SLC4A2: variants seen among roughly 807,000 people sequenced by gnomAD.
SLC4A2 encodes anion exchange protein 2.
In SLC4A2, 36 loss-of-function variants were observed where a neutral mutation model predicts 115.0. The ratio of observed to expected loss-of-function variants is 0.31; its 90% CI spans 0.24 to 0.41. The LOEUF is 0.41. SLC4A2 is among the 10% of genes least tolerant of loss of function. SLC4A2 has a pLI of 1.00. For synonymous variants in SLC4A2, 708 were observed against 708.3 expected, an observed-to-expected ratio of 1.00 and a Z score of 0.01; for missense variants, 1,252 against 1,705.6, an observed-to-expected ratio of 0.73 and a Z score of 4.68.
At position 151,066,376 on chromosome 7, in the gene SLC4A2, C is replaced by T. The variant is rs533115627; in HGVS notation, c.579-141C>T. 21 of 1,004,132 alleles carry T rather than the reference C, an allele frequency of 2.1e-5. No homozygotes were observed. In the South Asian group the frequency reaches 2.4e-4, roughly 12 times the overall value. 62.2% of individuals were successfully genotyped at this position (1,004,132 alleles called of 1,614,324 possible). On this transcript the variant is annotated intron_variant, in intron 5 of 22. Transcript: ENST00000413384. ...CTGCATCCAGAATCCTCCCCCTCCC[C>T]GTGCCCGCACCTCCCGGGAGTGGGA...
In SLC4A2 at chr7:151,062,363, A is replaced by G. The variant is rs566770135; in HGVS notation, c.51+325A>G. ...CAGACCCGGCTGGCCTTAGAGGCGC[A>G]GGTCAAGTCTGCACGCGGGCCAGGG... is the stretch of plus-strand genomic sequence containing the variant. On this transcript the variant is annotated intron_variant, in intron 2 of 22. Coordinates refer to ENST00000413384, the MANE Select transcript of SLC4A2 (RefSeq NM_003040.4). 4.1e-3 allele frequency among the ~76,000 whole-genome samples: 620 copies of G among 152,246 alleles called. 4 individuals are homozygous for G. Among genetic ancestry groups the G allele is most frequent in the African/African-American group, 0.015 (603 of 41,546 alleles).
At chr7:151,069,857 C>A in intron 8 of SLC4A2, 90 bp from the exon 9 acceptor site, 1 of 1,523,434 alleles carries the variant, frequency 6.6e-7, no homozygotes, top group Non-Finnish European at 9.1e-7. Flanking sequence ...GGCACCCACC[C>A]ACCTGTCCCC....
At chr7:151,064,102 G>T in intron 2 of SLC4A2, 100 bp from the exon 3 acceptor site, 2 of 1,222,718 alleles carry the variant, frequency 1.6e-6, no homozygotes, top group East Asian at 2.4e-5. Context: ...AGCTGCTGGC[G>T]GGGGAGGGTT....
intron 1 of SLC4A2, chr7:151,061,372 G>C (rs951071072): frequency 1.3e-5 from 2 of 152,210 alleles, no homozygotes; most frequent in African/African-American, 4.8e-5. Flanking sequence ...GCCTGTACTG[G>C]GGAGGGGGCA....
chr7:151,074,644 C>A lies in SLC4A2; in HGVS notation c.2881-31C>A, dbSNP rs1170709845. ...GGCATGCCCTCCACATTCACCTTAA[C>A]CCTTGTCCCTACACTGTGTCTGCCC... On this transcript the variant is annotated intron_variant, in intron 18 of 22. Coordinates refer to ENST00000413384, the MANE Select transcript of SLC4A2 (RefSeq NM_003040.4). 3.8e-6 allele frequency: 6 copies of A among 1,584,260 alleles called. No homozygotes were observed. The African/African-American group carries it at 8.1e-5, about 21-fold the overall frequency.
At position 151,064,986 on chromosome 7, in the gene SLC4A2, C is replaced by T. The variant is rs1797184112; in HGVS notation, c.578+20C>T. The stretch of plus-strand genomic sequence containing the variant: ...GGCTGGGTAAGTACACCCCAATCAA[C>T]AGTGTCCCCAACAGACACTTCCCCT... On this transcript the variant is annotated intron_variant, in intron 5 of 22. Coordinates refer to ENST00000413384, the MANE Select transcript of SLC4A2 (RefSeq NM_003040.4). 2.0e-6 allele frequency: 3 copies of T among 1,472,548 alleles called. No homozygotes were observed. The highest frequency in any genetic ancestry group is 2.9e-6 in the Non-Finnish European group (3 of 1,051,714). 91.2% of individuals were successfully genotyped at this position (1,472,548 alleles called of 1,614,324 possible).
upstream of SLC4A2, chr7:151,058,533 AG>A (rs1246935130): frequency 6.6e-6 from 1 of 152,454 alleles, no homozygotes; most frequent in African/African-American, 2.4e-5. Flanking sequence ...ATTTTAGTGG[AG>A]GGACACACGC....
In SLC4A2 at chr7:151,076,076, G is replaced by GC; in HGVS notation, c.3537dup (p.Val1180ArgfsTer40). 1.9e-6 allele frequency: 3 copies of GC among 1,611,598 alleles called. No homozygotes were observed. The highest frequency in any genetic ancestry group is 1.7e-6 in the Non-Finnish European group (2 of 1,179,966). ...GCTGCTCTGCCTGGCCCTGCTCTGG[G>GC]CCGTCATGTCCACAGCTGCCTCCCT... On this transcript the variant is annotated frameshift_variant, in exon 22 of 23. Transcript: ENST00000413384. LOFTEE classifies it high-confidence loss of function.
chr7:151,060,380 C>T lies in SLC4A2; in HGVS notation c.-64+618C>T, dbSNP rs1406761176. ...GTCTACTTTATCCCCCTTCGTTTCC[C>T]CCGCCAGCCCCACATGGAAGAGCTG... On this transcript the variant is annotated intron_variant, in intron 1 of 22. Coordinates refer to ENST00000413384, the MANE Select transcript of SLC4A2 (RefSeq NM_003040.4). The surrounding 1 kb of genome is among the most constrained non-coding windows in gnomAD (Gnocchi z 5.9). 3.3e-5 allele frequency among the ~76,000 whole-genome samples: 5 copies of T among 152,304 alleles called. No individual in the cohort carries two copies. Among genetic ancestry groups the T allele is most frequent in the Non-Finnish European group, 5.9e-5 (4 of 68,014 alleles).
At chr7:151,061,374 G>A (rs1407587164) in intron 1 of SLC4A2, 1 of 152,112 alleles carries the variant, frequency 6.6e-6, no homozygotes, top group African/African-American at 2.4e-5. Flanking sequence ...CTGTACTGGG[G>A]AGGGGGCACC....
At position 151,059,823 on chromosome 7, in the gene SLC4A2, A is replaced by C. The variant is rs1796989077; in HGVS notation, c.-64+61A>C. On this transcript the variant is annotated intron_variant, in intron 1 of 22. Transcript: ENST00000413384. This position sits in a 1 kb window ranked among gnomAD's most constrained non-coding sequence, Gnocchi z 5.8. ...CCGCAGAGGGAGGAAGGGAGGGGGA[A>C]GGAGAGGGGGGAACTCGGGACTCGA... is the stretch of plus-strand genomic sequence containing the variant. The C allele has an allele frequency of 4.3e-5, 4 of 93,126 alleles. No homozygotes were observed. The highest frequency in any genetic ancestry group is 4.5e-5 in the Non-Finnish European group (2 of 44,578). 5.8% of individuals were successfully genotyped at this position (93,126 alleles called of 1,614,324 possible).
At position 151,074,089 on chromosome 7, in the gene SLC4A2, G is replaced by A. The variant is rs1797533155; in HGVS notation, c.2586G>A (p.Glu862=). ...GCTGCTCAGCCTCCAACAGCTCAGA[G>A]GTGGACGGCGGTGAGAACATGACAT... ...LHGCSASNSS[E]VDGGENMTWA... The change falls in exon 17 of 23, where the codon GAG becomes GAA. Residue 862 remains glutamate, a synonymous_variant. Transcript: ENST00000413384. 6.2e-7 allele frequency: 1 copy of A among 1,607,984 alleles called. No homozygotes were observed. The highest frequency in any genetic ancestry group is 8.5e-7 in the Non-Finnish European group (1 of 1,176,580).
At chr7:151,075,816 G>T in intron 21 of SLC4A2, 41 bp downstream of exon 21, 1 of 1,578,362 alleles carries the variant, frequency 6.3e-7, no homozygotes, top group Non-Finnish European at 8.6e-7. Context: ...TGTGCCTCTG[G>T]CCATCCTGGT....
chr7:151,062,776 G>T, intron 2 of SLC4A2: 1 of 1,366,846 alleles, frequency 7.3e-7, no homozygotes, highest in East Asian at 3.0e-5. Context: ...GCGCTTAGGG[G>T]AGCCAGGAGA....
intron 7 of SLC4A2, among the ~76,000 whole-genome samples, chr7:151,067,417 A>G (rs1350122651): frequency 2.0e-5 from 3 of 152,178 alleles, no homozygotes; most frequent in Non-Finnish European, 4.4e-5. Context: ...TGAAGGTTGT[A>G]CACTGCACAA....
At position 151,068,932 on chromosome 7, in the gene SLC4A2, G is replaced by A. The variant is rs1180503326; in HGVS notation, c.1147+878G>A. 5.3e-5 allele frequency among the ~76,000 whole-genome samples: 8 copies of A among 151,720 alleles called. No homozygotes were observed. In the East Asian group the frequency reaches 1.6e-3, roughly 29 times the overall value. ...AGGTGGGTGGATTACGAGGTCAGGAGATTGAGACCATCCTGGCTAACAAGG... is the reference window on the plus strand; with the variant it reads ...AGGTGGGTGGATTACGAGGTCAGGAAATTGAGACCATCCTGGCTAACAAGG... On this transcript the variant is annotated intron_variant, in intron 8 of 22. Transcript: ENST00000413384.
At chr7:151,063,261 G>A (rs1163427987) in intron 2 of SLC4A2, 1 of 1,182,338 alleles carries the variant, frequency 8.5e-7, no homozygotes, top group Non-Finnish European at 1.1e-6. Context: ...GGGGCCTGGG[G>A]GCTGGGGGAG....
rs143062463 is a variant in SLC4A2, at chr7:151,070,703, C to T, written c.1565-24C>T. On this transcript the variant is annotated intron_variant, in intron 11 of 22. Transcript: ENST00000413384. ...AGGCGGTCCTGCTGCTCTGCTCTTGCCCACGATGGTCCCACGCCCCTAGGC... is the reference window on the plus strand; with the variant it reads ...AGGCGGTCCTGCTGCTCTGCTCTTGTCCACGATGGTCCCACGCCCCTAGGC... The T allele has an allele frequency of 4.7e-3, 7,497 of 1,610,660 alleles. 29 individuals carry two copies. The highest frequency in any genetic ancestry group is 0.016 in the Middle Eastern group (89 of 5,402).
At position 151,072,146 on chromosome 7, in the gene SLC4A2, C is replaced by T; in HGVS notation, c.2535+10C>T. On this transcript the variant is annotated intron_variant, in intron 16 of 22. Coordinates refer to ENST00000413384, the MANE Select transcript of SLC4A2 (RefSeq NM_003040.4). ...CTACAAGCTGGTGAAGGTGGGCAGG[C>T]CCCTGCCGAGAGCTGGGCCAGGAGG... 1 of 1,610,612 alleles carries T rather than the reference C, an allele frequency of 6.2e-7. No individual in the cohort carries two copies. The highest frequency in any genetic ancestry group is 1.3e-5 in the African/African-American group (1 of 74,986).
Sources: gnomAD v4.1 joint callset for allele counts (sites outside exome capture counted in the v4.1 genomes callset) on GRCh38, gnomAD v4.1.1 for gene constraint, Gnocchi (gnomAD v3.1) non-coding constraint, MANE v1.5 for transcripts, NCBI Gene and HGNC (gene_info 2026-07-23, HGNC 2026-07-21) for gene names.